The following FRMD3 variants were observed in gnomAD, a reference collection of about 807,000 sequenced individuals.
FRMD3 encodes the protein FERM domain containing 3, also known as FERM domain-containing protein 3.
Under a neutral mutation model 70.2 loss-of-function variants are expected in FRMD3, and 33 were observed. The observed-to-expected ratio is 0.47, with a 90% CI of 0.36 to 0.63. The LOEUF is 0.63. Ranked by LOEUF, FRMD3 falls within the 20% of genes least tolerant of loss-of-function variation. The pLI, the probability that FRMD3 is intolerant of heterozygous loss-of-function variation, is 0.00. For missense variants in FRMD3, 632 were observed against 711.4 expected (o/e 0.89, Z 1.27); for synonymous variants, 279 against 255.9 (o/e 1.09, Z -0.86).
At chr9:83,324,463 A>G (rs1489538479) in intron 6 of FRMD3, among the ~76,000 whole-genome samples, 1 of 152,212 alleles carries the variant, frequency 6.6e-6, no homozygotes, top group African/African-American at 2.4e-5. Context: ...TTTAAATCCC[A>G]CACATATTGT....
At chr9:83,374,183 G>A (rs1361626640) in intron 2 of FRMD3, among the ~76,000 whole-genome samples, 1 of 151,858 alleles carries the variant, frequency 6.6e-6, no homozygotes, top group Non-Finnish European at 1.5e-5. Flanking sequence ...CCTCTCAACT[G>A]TATGGCCTCC....
intron 1 of FRMD3, among the ~76,000 whole-genome samples, chr9:83,459,510 C>T (rs1827911482): frequency 6.6e-6 from 1 of 152,236 alleles, no homozygotes; most frequent in African/African-American, 2.4e-5. Flanking sequence ...CAGGGGCGTC[C>T]CCAAGACCAC....
At chr9:83,294,609 C>T (rs1166183341) in intron 12 of FRMD3, among the ~76,000 whole-genome samples, 1 of 152,112 alleles carries the variant, frequency 6.6e-6, no homozygotes, top group African/African-American at 2.4e-5. Context: ...TGCGTCTTGC[C>T]TATAAGACAG....
At chr9:83,421,313 C>T (rs1455574921) in intron 1 of FRMD3, among the ~76,000 whole-genome samples, 1 of 152,168 alleles carries the variant, frequency 6.6e-6, no homozygotes, top group African/African-American at 2.4e-5. Context: ...CTAAGGCAAT[C>T]GTGTATACAG....
chr9:83,510,525 G>A (rs182351604), intron 1 of FRMD3, among the ~76,000 whole-genome samples: 3 of 152,238 alleles, frequency 2.0e-5, no homozygotes, highest in East Asian at 3.9e-4. Flanking sequence ...TCCACTCCTA[G>A]AAGAATGAAA....
intron 10 of FRMD3, among the ~76,000 whole-genome samples, chr9:83,306,831 G>A (rs915649165): frequency 2.0e-5 from 3 of 152,184 alleles, no homozygotes; most frequent in Non-Finnish European, 4.4e-5. Context: ...AGGAACAAGG[G>A]AGAGTAACTC....
At chr9:83,498,455 T>A (rs1301888499) in intron 1 of FRMD3, among the ~76,000 whole-genome samples, 1 of 152,222 alleles carries the variant, frequency 6.6e-6, no homozygotes, top group Non-Finnish European at 1.5e-5. Context: ...ATCTCTATCA[T>A]TCTGCCAAAG....
At chr9:83,318,811 T>A (rs1172496217) in intron 6 of FRMD3, among the ~76,000 whole-genome samples, 1 of 152,228 alleles carries the variant, frequency 6.6e-6, no homozygotes, top group Non-Finnish European at 1.5e-5. Context: ...ACAACATCTG[T>A]TGTTTTTTGA....
At chr9:83,398,539 G>A (rs1825866654) in intron 1 of FRMD3, among the ~76,000 whole-genome samples, 1 of 152,164 alleles carries the variant, frequency 6.6e-6, no homozygotes, top group South Asian at 2.1e-4. Flanking sequence ...TGGGAAAAAT[G>A]AAATATGCCT....
At chr9:83,439,375 T>A (rs1344090151) in intron 1 of FRMD3, among the ~76,000 whole-genome samples, 1 of 152,208 alleles carries the variant, frequency 6.6e-6, no homozygotes, top group African/African-American at 2.4e-5. Context: ...AGTTACCACA[T>A]GGAACATTTC....
intron 6 of FRMD3, among the ~76,000 whole-genome samples, chr9:83,330,324 CAAAA>C (rs71498045): frequency 2.0e-5 from 2 of 98,260 alleles, no homozygotes; most frequent in African/African-American, 7.8e-5. Context: ...AACTCCATCT[CAAAA>C]AAAAAAAAAC....
At chr9:83,324,933 T>C (rs558806873) in intron 6 of FRMD3, among the ~76,000 whole-genome samples, 1 of 152,206 alleles carries the variant, frequency 6.6e-6, no homozygotes, top group South Asian at 2.1e-4. Context: ...CAATATCTTA[T>C]GGTCAAGAGC....
chr9:83,390,193 C>T (rs1271669491), intron 1 of FRMD3, among the ~76,000 whole-genome samples: 1 of 152,164 alleles, frequency 6.6e-6, no homozygotes, highest in Non-Finnish European at 1.5e-5. Flanking sequence ...CAAAGAGGTT[C>T]AGTGACTTGC....
intron 1 of FRMD3, among the ~76,000 whole-genome samples, chr9:83,455,283 T>C (rs899518030): frequency 1.3e-5 from 2 of 152,196 alleles, no homozygotes; most frequent in East Asian, 1.9e-4. Context: ...TGTTTTTAAA[T>C]TGTATATTGA....
At chr9:83,498,734 C>A (rs1007407208) in intron 1 of FRMD3, among the ~76,000 whole-genome samples, 2 of 123,060 alleles carry the variant, frequency 1.6e-5, no homozygotes, top group Admixed American at 8.5e-5. Context: ...AGCTATCACC[C>A]CTTTAAAAAA....
intron 13 of FRMD3, among the ~76,000 whole-genome samples, chr9:83,249,674 A>C (rs1832308718): frequency 6.6e-6 from 1 of 152,224 alleles, no homozygotes; most frequent in Non-Finnish European, 1.5e-5. Flanking sequence ...AAATATACAA[A>C]AGGTCAACAA....
intron 10 of FRMD3, among the ~76,000 whole-genome samples, chr9:83,303,084 TG>T (rs796873378): frequency 7.2e-4 from 109 of 152,272 alleles, no homozygotes; most frequent in African/African-American, 2.6e-3. Context: ...GGATAGGTAC[TG>T]GGGGGACATT....
chr9:83,288,935 T>C (rs1464842067), intron 13 of FRMD3, among the ~76,000 whole-genome samples: 1 of 152,204 alleles, frequency 6.6e-6, no homozygotes, highest in Non-Finnish European at 1.5e-5. Flanking sequence ...ATAATAATCA[T>C]TCAACCCATC....
chr9:83,328,176 A>G (rs1402260731), intron 6 of FRMD3, among the ~76,000 whole-genome samples: 1 of 133,792 alleles, frequency 7.5e-6, no homozygotes. Context: ...CTGTTTCCTT[A>G]TCTGTAAAAA....
Sources: allele counts gnomAD v4.1 joint callset (sites outside exome capture counted in the v4.1 genomes callset), GRCh38; gene constraint gnomAD v4.1.1; transcripts MANE v1.5; gene names NCBI Gene and HGNC (gene_info 2026-07-23, HGNC 2026-07-21).